Variants in PIK3R1 observed in about 807,000 individuals in gnomAD.
The protein encoded by PIK3R1 is phosphoinositide-3-kinase regulatory subunit 1, also known as phosphatidylinositol 3-kinase regulatory subunit alpha.
PIK3R1 carries 29 observed loss-of-function variants against 98.0 expected under a neutral mutation model. The observed-to-expected ratio is 0.30, with a 90% CI of 0.22 to 0.40. PIK3R1 has a LOEUF of 0.40. Among genes scored for constraint, PIK3R1 ranks in the 10% least tolerant of loss-of-function variants. PIK3R1 has a pLI of 1.00. For missense variants in PIK3R1, 596 were observed against 872.7 expected (o/e 0.68, Z 3.99); for synonymous variants, 282 against 311.8 (o/e 0.90, Z 1.01).
chr5:68,289,786 A>AAAAAAT (rs1747285606), intron 7 of PIK3R1, among the ~76,000 whole-genome samples: 1 of 137,902 alleles, frequency 7.3e-6, no homozygotes. Context: ...AAAAAAAAAA[A>AAAAAAT]GTGATTACAT....
At position 68,297,448 on chromosome 5, in the gene PIK3R1, A is replaced by G. The variant is rs780808694; in HGVS notation, c.2022A>G (p.Lys674=). ...AAGTAAAGCATTGTGTCATAAACAA[A>G]ACAGCAACTGGCTATGGCTTTGCCG... is the stretch of plus-strand genomic sequence containing the variant. ...DGEVKHCVIN[K]TATGYGFAEP... is the part of the protein sequence containing the mutation. The change falls in exon 16 of 16, where the codon AAA becomes AAG. Residue 674 remains lysine, a synonymous_variant. Coordinates refer to ENST00000521381, the MANE Select transcript of PIK3R1 (RefSeq NM_181523.3). 1 of 1,614,198 alleles carries G rather than the reference A, an allele frequency of 6.2e-7. No homozygotes were observed. The highest frequency in any genetic ancestry group is 1.1e-5 in the South Asian group (1 of 91,076).
At chr5:68,253,692 C>G (rs1561272764) in intron 2 of PIK3R1, among the ~76,000 whole-genome samples, 1 of 152,048 alleles carries the variant, frequency 6.6e-6, no homozygotes, top group African/African-American at 2.4e-5. Context: ...TAAAAACAGC[C>G]GGAACTTCTG....
At chr5:68,256,499 G>A (rs1258866971) in intron 2 of PIK3R1, among the ~76,000 whole-genome samples, 2 of 152,106 alleles carry the variant, frequency 1.3e-5, no homozygotes, top group Admixed American at 1.3e-4. Context: ...CAAAGTGCTG[G>A]GATTACAGGT....
intron 2 of PIK3R1, among the ~76,000 whole-genome samples, chr5:68,259,752 A>C (rs13167294): frequency 0.33 from 50,383 of 152,052 alleles, 9,884 homozygotes; most frequent in African/African-American, 0.56. Flanking sequence ...TGTCCAAAGT[A>C]GTGCATTGAG....
chr5:68,290,642 G>T (rs1747335128), intron 7 of PIK3R1: 1 of 1,497,420 alleles, frequency 6.7e-7, no homozygotes, highest in Non-Finnish European at 8.9e-7. Flanking sequence ...CCCCTTATAG[G>T]TTTTAAAATG....
chr5:68,248,233 CG>C (rs1370063744), intron 2 of PIK3R1, among the ~76,000 whole-genome samples: 1 of 152,116 alleles, frequency 6.6e-6, no homozygotes, highest in Non-Finnish European at 1.5e-5. Flanking sequence ...CCATCTGCCT[CG>C]GCCTCCGAGA....
At chr5:68,257,889 G>T (rs1044300318) in intron 2 of PIK3R1, among the ~76,000 whole-genome samples, 1 of 152,080 alleles carries the variant, frequency 6.6e-6, no homozygotes, top group African/African-American at 2.4e-5. Context: ...TAATGTTATC[G>T]TATAATCTGA....
chr5:68,230,538 C>A (rs1430277739), intron 2 of PIK3R1, among the ~76,000 whole-genome samples: 1 of 152,200 alleles, frequency 6.6e-6, no homozygotes, highest in African/African-American at 2.4e-5. Context: ...TATTTGTTAT[C>A]CACATCCTTC....
At chr5:68,265,070 C>G (rs904448884) in intron 2 of PIK3R1, among the ~76,000 whole-genome samples, 1 of 152,090 alleles carries the variant, frequency 6.6e-6, no homozygotes, top group Non-Finnish European at 1.5e-5. Context: ...CTGGTGGGCT[C>G]AGCCCCAATC....
chr5:68,217,751 G>A (rs1222618060), intron 1 of PIK3R1: 1 of 152,138 alleles, frequency 6.6e-6, no homozygotes, highest in Admixed American at 6.5e-5. Context: ...CTGCCTTGCA[G>A]AACTGCTGGG....
intron 1 of PIK3R1, among the ~76,000 whole-genome samples, chr5:68,219,277 A>C (rs934596135): frequency 7.9e-5 from 12 of 152,244 alleles, no homozygotes; most frequent in African/African-American, 2.7e-4. Context: ...AATCAAATAC[A>C]TATCCACAGG....
rs548687598 is a variant in PIK3R1 at position 68,235,912 on chromosome 5, C to T, written c.334+8903C>T. ...TTTTTTTTGAATCTTGCTCTGTTGCCCAGGCTGGAGTGCAGTGGCTCAATC... is the reference window on the plus strand; with the variant it reads ...TTTTTTTTGAATCTTGCTCTGTTGCTCAGGCTGGAGTGCAGTGGCTCAATC... On this transcript the variant is annotated intron_variant, in intron 2 of 15. Transcript: ENST00000521381. 4.7e-5 allele frequency among the ~76,000 whole-genome samples: 7 copies of T among 150,382 alleles called. No homozygotes were observed. The East Asian group carries it at 1.4e-3, about 29-fold the overall frequency.
At chr5:68,288,665 T>C in intron 7 of PIK3R1, 2 of 1,605,890 alleles carry the variant, frequency 1.2e-6, no homozygotes, top group Non-Finnish European at 1.7e-6. Flanking sequence ...GCCCACTTGG[T>C]GGAAGAACAG....
intron 2 of PIK3R1, among the ~76,000 whole-genome samples, chr5:68,259,927 G>T (rs912441870): frequency 6.6e-6 from 1 of 152,150 alleles, no homozygotes; most frequent in East Asian, 1.9e-4. Context: ...GACTAGTACA[G>T]CTATATGAGC....
chr5:68,216,355 C>T (rs986710270), intron 1 of PIK3R1, among the ~76,000 whole-genome samples: 3 of 152,208 alleles, frequency 2.0e-5, no homozygotes, highest in African/African-American at 7.2e-5. Flanking sequence ...GAGGAGAGCG[C>T]CCTGGCCGCT....
chr5:68,286,476 A>G (rs974178695), intron 7 of PIK3R1, among the ~76,000 whole-genome samples: 1 of 152,222 alleles, frequency 6.6e-6, no homozygotes, highest in African/African-American at 2.4e-5. Context: ...CTCCCAAAGC[A>G]GGAATTACTG....
At chr5:68,248,630 C>G (rs1745191169) in intron 2 of PIK3R1, among the ~76,000 whole-genome samples, 1 of 152,106 alleles carries the variant, frequency 6.6e-6, no homozygotes, top group Non-Finnish European at 1.5e-5. Flanking sequence ...ATTTGATACC[C>G]TTTGTTGGCA....
chr5:68,269,443 C>T (rs1673081839), intron 2 of PIK3R1, among the ~76,000 whole-genome samples: 2 of 152,104 alleles, frequency 1.3e-5, no homozygotes, highest in Non-Finnish European at 2.9e-5. Flanking sequence ...GCTCCATACC[C>T]CACCCTATAT....
chr5:68,294,181 A>G (rs965983745), intron 11 of PIK3R1, among the ~76,000 whole-genome samples: 1 of 152,182 alleles, frequency 6.6e-6, no homozygotes, highest in Non-Finnish European at 1.5e-5. Flanking sequence ...GCATTAATAT[A>G]TATCCTACCA....
Sources: allele counts gnomAD v4.1 joint callset (sites outside exome capture counted in the v4.1 genomes callset), GRCh38; gene constraint gnomAD v4.1.1; transcripts MANE v1.5; gene names NCBI Gene and HGNC (gene_info 2026-07-23, HGNC 2026-07-21).